Variants in PCYT1B observed in about 807,000 individuals in gnomAD.
PCYT1B encodes the protein phosphate cytidylyltransferase 1B, choline, also known as choline-phosphate cytidylyltransferase B.
A neutral mutation model predicts 26.4 loss-of-function variants in PCYT1B; 10 were observed. The ratio of observed to expected loss-of-function variants is 0.38; its 90% CI spans 0.23 to 0.64. The LOEUF is 0.64. Among genes scored for constraint, PCYT1B ranks in the 30% least tolerant of loss-of-function variants. The probability of loss-of-function intolerance (pLI) is 0.56; values close to 1 mark genes in which losing one functional copy is unlikely to be tolerated. For missense variants in PCYT1B, 161 were observed against 292.7 expected (o/e 0.55, Z 3.28); for synonymous variants, 131 against 108.4 (o/e 1.21, Z -1.29).
chrX:24,628,757 A>T (rs1385053985), intron 1 of PCYT1B, among the ~76,000 whole-genome samples: 2 of 111,845 alleles, frequency 1.8e-5, no homozygotes, highest in Non-Finnish European at 3.8e-5. Flanking sequence ...ACTGAAAAAG[A>T]ACCGTAATTT....
At chrX:24,579,566 G>T in intron 5 of PCYT1B, 108 bp from the exon 6 acceptor site, 1 of 702,784 alleles carries the variant, frequency 1.4e-6, no homozygotes, top group Non-Finnish European at 2.2e-6. Flanking sequence ...TCCTGGGTAT[G>T]CCAATGAAGA....
chrX:24,658,478 G>A (rs1375754617), intron 1 of PCYT1B, among the ~76,000 whole-genome samples: 5 of 106,059 alleles, frequency 4.7e-5, no homozygotes, highest in African/African-American at 1.4e-4. Flanking sequence ...CATTTCTTCT[G>A]GAGGCTCTAG....
At chrX:24,627,794 C>A (rs1925929179) in intron 1 of PCYT1B, among the ~76,000 whole-genome samples, 1 of 111,305 alleles carries the variant, frequency 9.0e-6, no homozygotes, top group Non-Finnish European at 1.9e-5. Flanking sequence ...AAGAAGTGGT[C>A]AGATTCTGGA....
At chrX:24,636,831 C>A (rs748335314) in intron 1 of PCYT1B, among the ~76,000 whole-genome samples, 1 of 112,035 alleles carries the variant, frequency 8.9e-6, no homozygotes, top group South Asian at 3.7e-4. Context: ...TGGCTTCTTT[C>A]ATTCAATGTT....
intron 5 of PCYT1B, among the ~76,000 whole-genome samples, chrX:24,584,511 G>A (rs1924306258): frequency 9.0e-6 from 1 of 111,292 alleles, no homozygotes; most frequent in Non-Finnish European, 1.9e-5. Flanking sequence ...ACTTGAGAAT[G>A]TCAGGCCTCC....
At chrX:24,672,538 G>A (rs1157851772) in intron 1 of PCYT1B, 1 of 1,145,035 alleles carries the variant, frequency 8.7e-7, no homozygotes, top group Non-Finnish European at 1.2e-6. Context: ...TATTCAATAA[G>A]GCAAAAATCA....
At chrX:24,638,498 C>T (rs1206556634) in intron 1 of PCYT1B, among the ~76,000 whole-genome samples, 1 of 112,185 alleles carries the variant, frequency 8.9e-6, no homozygotes, top group Non-Finnish European at 1.9e-5. Flanking sequence ...TAATCAGATC[C>T]TAGCAAGGTA....
upstream of PCYT1B, among the ~76,000 whole-genome samples, chrX:24,647,990 CAA>C (rs760125540): frequency 9.0e-4 from 101 of 112,386 alleles, no homozygotes; most frequent in South Asian, 9.2e-3. Context: ...CCCAGCTATT[CAA>C]AGTTTCCTCA....
intron 3 of PCYT1B, among the ~76,000 whole-genome samples, chrX:24,593,374 CTT>C (rs1924636549): frequency 1.9e-5 from 2 of 104,963 alleles, no homozygotes; most frequent in Non-Finnish European, 2.0e-5. Context: ...TCGTTTCTTT[CTT>C]TCTCTCTCTC....
chrX:24,651,759 C>A (rs1174414868), upstream of PCYT1B, among the ~76,000 whole-genome samples: 2 of 107,290 alleles, frequency 1.9e-5, no homozygotes, highest in African/African-American at 6.8e-5. Context: ...AAGCGATCTG[C>A]CTGCCTCGGC....
At chrX:24,611,915 G>A (rs1189835118) in intron 2 of PCYT1B, among the ~76,000 whole-genome samples, 3 of 110,276 alleles carry the variant, frequency 2.7e-5, no homozygotes, top group Non-Finnish European at 5.7e-5. Context: ...AGAGGTTGCA[G>A]TGAGCCGAGA....
intron 1 of PCYT1B, among the ~76,000 whole-genome samples, chrX:24,655,396 TCTTTA>T (rs758635684): frequency 1.8e-5 from 2 of 112,707 alleles, no homozygotes; most frequent in South Asian, 3.6e-4. Flanking sequence ...CATGAAGCAC[TCTTTA>T]CTTTTATTCA....
chrX:24,601,457 C>T (rs1338098610), intron 3 of PCYT1B, among the ~76,000 whole-genome samples: 5 of 104,756 alleles, frequency 4.8e-5, no homozygotes, highest in Non-Finnish European at 9.7e-5. Context: ...CGTGCCACTG[C>T]ACTGCAGCCC....
chrX:24,614,743 C>T (rs1925431180), intron 2 of PCYT1B, among the ~76,000 whole-genome samples: 1 of 111,719 alleles, frequency 9.0e-6, no homozygotes, highest in Non-Finnish European at 1.9e-5. Flanking sequence ...TTGAACAAAC[C>T]CTTCAAAAAA....
intron 2 of PCYT1B, among the ~76,000 whole-genome samples, chrX:24,614,165 A>G (rs996624587): frequency 2.7e-5 from 3 of 110,947 alleles, no homozygotes; most frequent in Non-Finnish European, 3.8e-5. Flanking sequence ...AAAGGTGCCG[A>G]TTCTGATTGC....
chrX:24,576,346 C>G (rs1473153264), intron 6 of PCYT1B, among the ~76,000 whole-genome samples: 7 of 111,729 alleles, frequency 6.3e-5, no homozygotes, highest in African/African-American at 2.3e-4. Context: ...CTCTGTTGCC[C>G]AGGCTGGAGT....
chrX:24,616,950 T>A (rs1314987729), intron 2 of PCYT1B, among the ~76,000 whole-genome samples: 2 of 112,125 alleles, frequency 1.8e-5, no homozygotes, highest in East Asian at 5.6e-4. Flanking sequence ...TGAGACCAAA[T>A]CCCAACTTTA....
At chrX:24,661,625 A>G (rs1368599648) in intron 1 of PCYT1B, among the ~76,000 whole-genome samples, 1 of 112,011 alleles carries the variant, frequency 8.9e-6, no homozygotes, top group Non-Finnish European at 1.9e-5. Context: ...CAGGGATGCA[A>G]TCAGCAAAAT....
intron 7 of PCYT1B, among the ~76,000 whole-genome samples, chrX:24,563,679 G>A (rs753179653): frequency 1.8e-5 from 2 of 111,695 alleles, no homozygotes; most frequent in African/African-American, 6.5e-5. Context: ...AAGGGAGAGG[G>A]GGAGGCACTG....
Sources: allele counts gnomAD v4.1 joint callset (sites outside exome capture counted in the v4.1 genomes callset), GRCh38; gene constraint gnomAD v4.1.1; transcripts MANE v1.5; gene names NCBI Gene and HGNC (gene_info 2026-07-23, HGNC 2026-07-21).